The following SLC9C1 variants were observed in gnomAD, a reference collection of about 807,000 sequenced individuals.
SLC9C1 encodes solute carrier family 9 member C1, also known as sodium/hydrogen exchanger 10.
SLC9C1 carries 97 observed loss-of-function variants against 140.9 expected under a neutral mutation model. The ratio of observed to expected loss-of-function variants is 0.69; its 90% CI spans 0.58 to 0.82. The LOEUF (loss-of-function observed/expected upper bound fraction) is 0.82, where lower values mean the gene tolerates loss of function less well. Ranked by LOEUF, SLC9C1 falls within the 40% of genes least tolerant of loss-of-function variation. SLC9C1 has a pLI of 0.00. For synonymous variants in SLC9C1, 440 were observed against 442.6 expected, an observed-to-expected ratio of 0.99 and a Z score of 0.07; for missense variants, 1,340 against 1,389.3, an observed-to-expected ratio of 0.96 and a Z score of 0.56.
intron 23 of SLC9C1, among the ~76,000 whole-genome samples, chr3:112,171,440 A>G (rs537941547): frequency 6.6e-6 from 1 of 152,278 alleles, no homozygotes; most frequent in South Asian, 2.1e-4. Flanking sequence ...TTCTTTGCCC[A>G]GTTTTTAATT....
chr3:112,156,053 A>G (rs2075118478), intron 26 of SLC9C1, among the ~76,000 whole-genome samples: 1 of 152,062 alleles, frequency 6.6e-6, no homozygotes, highest in Non-Finnish European at 1.5e-5. Flanking sequence ...GAAATATACA[A>G]TATTTTTTTA....
chr3:112,154,255 A>G (rs2075066519), intron 27 of SLC9C1, among the ~76,000 whole-genome samples: 1 of 152,224 alleles, frequency 6.6e-6, no homozygotes, highest in African/African-American at 2.4e-5. Flanking sequence ...AGCAATATAA[A>G]CAACTTGGCA....
chr3:112,159,881 ACTC>A (rs1218601810), intron 26 of SLC9C1, among the ~76,000 whole-genome samples: 1 of 151,910 alleles, frequency 6.6e-6, no homozygotes, highest in East Asian at 1.9e-4. Context: ...AAGTTTAGCT[ACTC>A]TTCCTCTTTT....
At chr3:112,211,951 C>T (rs1016820750) in intron 15 of SLC9C1, among the ~76,000 whole-genome samples, 24 of 152,202 alleles carry the variant, frequency 1.6e-4, no homozygotes, top group Admixed American at 8.5e-4. Context: ...TTGGGAGGCA[C>T]CCCCCAGTAA....
chr3:112,196,776 T>C (rs2077777170), intron 20 of SLC9C1, among the ~76,000 whole-genome samples: 4 of 152,192 alleles, frequency 2.6e-5, no homozygotes, highest in Admixed American at 2.6e-4. Context: ...TTCCATTTTG[T>C]TCATGTATTT....
intron 2 of SLC9C1, among the ~76,000 whole-genome samples, chr3:112,282,174 A>G (rs1290604674): frequency 6.6e-6 from 1 of 152,244 alleles, no homozygotes; most frequent in Non-Finnish European, 1.5e-5. Flanking sequence ...CCATTTTAAT[A>G]AATGGGCTCA....
intron 8 of SLC9C1, 60 bp from the exon 9 acceptor site, chr3:112,264,403 C>T: frequency 1.9e-6 from 2 of 1,029,534 alleles, no homozygotes; most frequent in Non-Finnish European, 2.6e-6. Context: ...ATCTTTATTA[C>T]AAGGTTTATC....
intron 10 of SLC9C1, among the ~76,000 whole-genome samples, chr3:112,254,192 C>T (rs987935135): frequency 6.6e-6 from 1 of 152,148 alleles, no homozygotes; most frequent in Admixed American, 6.5e-5. Flanking sequence ...GAAACTTCTC[C>T]AAACTTGCTA....
intron 21 of SLC9C1, among the ~76,000 whole-genome samples, chr3:112,181,603 G>A (rs549689106): frequency 1.3e-5 from 2 of 152,260 alleles, no homozygotes; most frequent in East Asian, 3.9e-4. Context: ...AAAGATAATT[G>A]TAATGTAATG....
chr3:112,285,091 A>C (rs2080469897), intron 2 of SLC9C1, among the ~76,000 whole-genome samples: 1 of 143,002 alleles, frequency 7.0e-6, no homozygotes, highest in South Asian at 2.2e-4. Flanking sequence ...GGTTCATGCC[A>C]TTCTCCAGCC....
chr3:112,205,146 GA>G (rs2078011597), intron 16 of SLC9C1, among the ~76,000 whole-genome samples: 1 of 151,968 alleles, frequency 6.6e-6, no homozygotes, highest in Non-Finnish European at 1.5e-5. Context: ...TGTATATCTA[GA>G]AAACCCCATC....
chr3:112,180,716 G>T, intron 21 of SLC9C1, 54 bp from the exon 22 acceptor site: 1 of 1,441,502 alleles, frequency 6.9e-7, no homozygotes, highest in Non-Finnish European at 9.6e-7. Flanking sequence ...GAAGTGGTTG[G>T]GAATGTTAAA....
intron 15 of SLC9C1, among the ~76,000 whole-genome samples, chr3:112,214,839 A>AT (rs914376385): frequency 6.6e-6 from 1 of 152,230 alleles, no homozygotes; most frequent in African/African-American, 2.4e-5. Context: ...AAAAGAGGGA[A>AT]TCCTCCCTAA....
At chr3:112,189,213 T>C (rs1217606170) in intron 20 of SLC9C1, among the ~76,000 whole-genome samples, 1 of 152,254 alleles carries the variant, frequency 6.6e-6, no homozygotes, top group Admixed American at 6.5e-5. Context: ...TCTTTTGCTG[T>C]GCAGAAGCTC....
chr3:112,148,794 A>G (rs918726353), intron 28 of SLC9C1, among the ~76,000 whole-genome samples: 1 of 152,122 alleles, frequency 6.6e-6, no homozygotes, highest in African/African-American at 2.4e-5. Context: ...GTGTGTCTTG[A>G]CTGGGCAGGT....
chr3:112,211,835 G>C lies in SLC9C1; in HGVS notation c.1791-3462C>G, dbSNP rs1328780704. Among the ~76,000 whole-genome samples the C allele has an allele frequency of 2.0e-5, 3 of 152,218 alleles. No homozygotes were observed. The East Asian group carries it at 5.8e-4, about 29-fold the overall frequency. ...AACCTCTGCAGACTTAAATGTCCCT[G>C]CCTGACAGCTTTGAAGAGAGTAGTG... On this transcript the variant is annotated intron_variant, in intron 15 of 28. Coordinates refer to ENST00000305815, the MANE Select transcript of SLC9C1 (RefSeq NM_183061.3).
At chr3:112,150,835 T>TAAATACATATAC (rs2074949702) in intron 28 of SLC9C1, among the ~76,000 whole-genome samples, 2 of 42,766 alleles carry the variant, frequency 4.7e-5, no homozygotes, top group African/African-American at 1.7e-4. Context: ...TATATATATA[T>TAAATACATATAC]ATATATTTTT....
intron 21 of SLC9C1, among the ~76,000 whole-genome samples, chr3:112,181,090 TA>T (rs1200248361): frequency 5.3e-5 from 8 of 152,166 alleles, no homozygotes; most frequent in Admixed American, 5.2e-4. Context: ...TTTTTACATT[TA>T]AAAAATTACT....
intron 2 of SLC9C1, among the ~76,000 whole-genome samples, chr3:112,281,413 T>C (rs1369237161): frequency 2.0e-5 from 3 of 152,128 alleles, no homozygotes; most frequent in Non-Finnish European, 4.4e-5. Context: ...CTCTCCGATG[T>C]GGAGATAATG....
Sources: gnomAD v4.1 joint callset for allele counts (sites outside exome capture counted in the v4.1 genomes callset) on GRCh38, gnomAD v4.1.1 for gene constraint, MANE v1.5 for transcripts, NCBI Gene and HGNC (gene_info 2026-07-23, HGNC 2026-07-21) for gene names.